ZNF771: variants seen among roughly 807,000 people sequenced by gnomAD.
The protein encoded by ZNF771 is zinc finger protein 771, also known as mesenchymal stem cell protein DSC43.
In ZNF771, 10 loss-of-function variants were observed where a neutral mutation model predicts 27.6. The ratio of observed to expected loss-of-function variants is 0.36; its 90% CI spans 0.22 to 0.61. The LOEUF (loss-of-function observed/expected upper bound fraction) is 0.61, where lower values mean the gene tolerates loss of function less well. ZNF771 is among the 20% of genes least tolerant of loss of function. The probability of loss-of-function intolerance (pLI) is 0.70; values close to 1 mark genes in which losing one functional copy is unlikely to be tolerated. For synonymous variants in ZNF771, 261 were observed against 225.2 expected (o/e 1.16, Z -1.43); for missense variants, 438 against 503.7 (o/e 0.87, Z 1.25).
intron 2 of ZNF771, among the ~76,000 whole-genome samples, chr16:30,412,399 G>C (rs2050108852): frequency 6.6e-6 from 1 of 152,208 alleles, no homozygotes; most frequent in African/African-American, 2.4e-5. Flanking sequence ...GTGTTTAATA[G>C]TTTGTGCCAA....
At chr16:30,410,750 T>G (rs1431125703) in intron 2 of ZNF771, among the ~76,000 whole-genome samples, 1 of 145,496 alleles carries the variant, frequency 6.9e-6, no homozygotes, top group Admixed American at 7.2e-5. Context: ...CCAGGCGTGG[T>G]GGCTCACACC....
Position 30,418,030 on chromosome 16 carries a change from C to A in ZNF771, c.617C>A (p.Ala206Asp). ...ACGGGCGAGCGGCCCTACGCTTGCG[C>A]CGACTGCGGCACGCGCTTCGCTCAG... ...THTGERPYAC[A>D]DCGTRFAQSS... The change falls in exon 3 of 3, where the codon GCC becomes GAC. Residue 206 changes from alanine (A) to aspartate (D), a missense_variant. Ala to Asp is a moderately radical substitution (Grantham distance 126, BLOSUM62 -2). Transcript: ENST00000319296. The A allele has an allele frequency of 6.9e-7, 1 of 1,449,604 alleles. No homozygotes were observed. Among genetic ancestry groups the A allele is most frequent in the Non-Finnish European group, 9.0e-7 (1 of 1,111,466 alleles). The allele number at this position is 1,449,604 out of a possible 1,614,324, so 89.8% of individuals were successfully genotyped here.
Position 30,408,260 on chromosome 16 carries a change from A to C in ZNF771, c.141+66A>C, listed in dbSNP as rs534757681. ...CTGGTCCAGGCCCAGCCTCCCTCAG[A>C]TAGAAGCCAGGGATCTTGCCCCTAC... On this transcript the variant is annotated intron_variant, in intron 2 of 2. Transcript: ENST00000319296. The C allele has an allele frequency of 1.9e-6, 3 of 1,607,980 alleles. No individual in the cohort carries two copies. In the African/African-American group the frequency reaches 4.0e-5, roughly 21 times the overall value.
At chr16:30,417,313 A>C (rs1283903316) in intron 2 of ZNF771, among the ~76,000 whole-genome samples, 1 of 152,264 alleles carries the variant, frequency 6.6e-6, no homozygotes, top group Non-Finnish European at 1.5e-5. Flanking sequence ...AGGACACTGC[A>C]TGCCCTCAGT....
intron 2 of ZNF771, among the ~76,000 whole-genome samples, chr16:30,412,070 T>C (rs2050107599): frequency 6.6e-6 from 1 of 152,190 alleles, no homozygotes; most frequent in East Asian, 1.9e-4. Flanking sequence ...TTCAAAGCTC[T>C]TTACCATCTG....
At chr16:30,417,111 G>A (rs1003361405) in intron 2 of ZNF771, among the ~76,000 whole-genome samples, 1 of 152,078 alleles carries the variant, frequency 6.6e-6, no homozygotes, top group Non-Finnish European at 1.5e-5. Context: ...CTCCTCAGAG[G>A]GCTATCCACG....
At chr16:30,407,785 T>C (rs979734986) in intron 1 of ZNF771, 121 bp downstream of exon 1, 8 of 253,644 alleles carry the variant, frequency 3.2e-5, no homozygotes, top group Non-Finnish European at 6.2e-5. Flanking sequence ...GGTGGCGACT[T>C]GCGGGGGCTG....
At position 30,417,697 on chromosome 16, in the gene ZNF771, A is replaced by G; in HGVS notation, c.284A>G (p.Glu95Gly). ...GGCGAACGGCCCTTCGGGTGCACCG[A>G]GTGCGGGCGGCGCTTCTCACAGAAG... ...HTGERPFGCT[E>G]CGRRFSQKSA... Residue 95 changes from glutamate (E) to glycine (G), a missense_variant, in exon 3 of 3, where the codon GAG becomes GGG. This residue lies in a region of ZNF771 where 49 missense variants were observed against 106.5 expected (regional missense o/e 0.46). Transcript: ENST00000319296. 1 of 1,393,994 alleles carries G rather than the reference A, an allele frequency of 7.2e-7. No homozygotes were observed. Among genetic ancestry groups the G allele is most frequent in the Non-Finnish European group, 9.3e-7 (1 of 1,077,058 alleles). The allele number at this position is 1,393,994 out of a possible 1,614,324, so 86.4% of individuals were successfully genotyped here. A position where few individuals can be genotyped will look rare whatever the true frequency, so the allele number is the denominator to read the frequency against.
intron 2 of ZNF771, among the ~76,000 whole-genome samples, chr16:30,408,648 T>C (rs1176452127): frequency 1.3e-5 from 2 of 152,194 alleles, no homozygotes; most frequent in Non-Finnish European, 2.9e-5. Flanking sequence ...GATTCTATGA[T>C]GTCGGTAGCA....
intron 2 of ZNF771, among the ~76,000 whole-genome samples, chr16:30,409,364 G>C (rs899962769): frequency 2.0e-5 from 3 of 152,180 alleles, no homozygotes; most frequent in African/African-American, 7.2e-5. Context: ...GTGTGGATGA[G>C]TGGGGGTGGT....
chr16:30,410,392 C>T (rs1215728409), intron 2 of ZNF771, among the ~76,000 whole-genome samples: 3 of 152,114 alleles, frequency 2.0e-5, no homozygotes, highest in Non-Finnish European at 4.4e-5. Context: ...TGAGCCACCA[C>T]GCCTGGCTCA....
rs1404587329 is a variant in ZNF771, at chr16:30,417,705, C to A, written c.292C>A (p.Arg98=). The A allele has an allele frequency of 3.6e-6, 5 of 1,389,412 alleles. No individual in the cohort carries two copies. The highest frequency in any genetic ancestry group is 1.5e-5 in the South Asian group (1 of 65,540). 86.1% of individuals were successfully genotyped at this position (1,389,412 alleles called of 1,614,324 possible). A position where few individuals can be genotyped will look rare whatever the true frequency, so the allele number is the denominator to read the frequency against. The change falls in exon 3 of 3, where the codon CGG becomes AGG. Residue 98 remains arginine, a synonymous_variant. Coordinates refer to ENST00000319296, the MANE Select transcript of ZNF771 (RefSeq NM_001142305.2). ...ERPFGCTECG[R]RFSQKSALTK... is the part of the protein sequence containing the mutation. Reference sequence around the variant, plus strand: ...GCCCTTCGGGTGCACCGAGTGCGGGCGGCGCTTCTCACAGAAGTCGGCGCT... The same window carrying A: ...GCCCTTCGGGTGCACCGAGTGCGGGAGGCGCTTCTCACAGAAGTCGGCGCT...
intron 2 of ZNF771, among the ~76,000 whole-genome samples, chr16:30,410,105 C>CTT (rs912511119): frequency 1.1e-4 from 16 of 143,212 alleles, no homozygotes; most frequent in Non-Finnish European, 1.8e-4. Flanking sequence ...GATTTTTCAA[C>CTT]TTTTTTTTTT....
chr16:30,408,091 A>G lies in ZNF771; in HGVS notation c.38A>G (p.Glu13Gly). ...CAGCAGGCAGAGGAAGAGGAGGAGG[A>G]AGAGATGCAGGAGGAGATGGTGCTG... Reference protein sequence around the residue: ...GEQQAEEEEEEEMQEEMVLLV... With the variant: ...GEQQAEEEEEGEMQEEMVLLV... The change falls in exon 2 of 3, where the codon GAA (glutamate) becomes GGA (glycine). Residue 13 changes from glutamate to glycine, a missense_variant. Around this residue, in one of 3 missense-constraint regions of ZNF771, gnomAD observed 84 missense variants for 89.2 expected, o/e 0.94. Coordinates refer to ENST00000319296, the MANE Select transcript of ZNF771 (RefSeq NM_001142305.2). 1 of 1,607,490 alleles carries G rather than the reference A, an allele frequency of 6.2e-7. No individual in the cohort carries two copies. The highest frequency in any genetic ancestry group is 8.5e-7 in the Non-Finnish European group (1 of 1,176,388).
At chr16:30,410,849 A>G (rs1485584998) in intron 2 of ZNF771, among the ~76,000 whole-genome samples, 1 of 123,048 alleles carries the variant, frequency 8.1e-6, no homozygotes, top group Non-Finnish European at 1.6e-5. Flanking sequence ...GGGAGACCTC[A>G]TCTCTACAAA....
Position 30,418,421 on chromosome 16 carries a change from C to A in ZNF771, c.*54C>A. 2 of 1,343,870 alleles carry A rather than the reference C, an allele frequency of 1.5e-6. No homozygotes were observed. Among genetic ancestry groups the A allele is most frequent in the South Asian group, 1.8e-5 (1 of 56,168 alleles). 83.2% of individuals were successfully genotyped at this position (1,343,870 alleles called of 1,614,324 possible). A position where few individuals can be genotyped will look rare whatever the true frequency, so the allele number is the denominator to read the frequency against. On this transcript the variant is annotated 3_prime_UTR_variant, in exon 3 of 3. Coordinates refer to ENST00000319296, the MANE Select transcript of ZNF771 (RefSeq NM_001142305.2). ...GGGGCTTCGACCTGGCTGCACTAAC[C>A]CAGGCTCCTCCTCGCCCCGGCCTCC...
At chr16:30,415,830 C>A (rs2050131116) in intron 2 of ZNF771, among the ~76,000 whole-genome samples, 1 of 152,164 alleles carries the variant, frequency 6.6e-6, no homozygotes, top group African/African-American at 2.4e-5. Context: ...AATTGCTTGG[C>A]CACAGTAGAT....
chr16:30,413,262 G>A (rs1029291740), intron 2 of ZNF771, among the ~76,000 whole-genome samples: 8 of 152,192 alleles, frequency 5.3e-5, no homozygotes, highest in African/African-American at 1.7e-4. Flanking sequence ...AAATCTAATA[G>A]TTGTAGAATT....
intron 2 of ZNF771, among the ~76,000 whole-genome samples, chr16:30,413,260 T>C (rs897095856): frequency 6.6e-6 from 1 of 152,226 alleles, no homozygotes; most frequent in African/African-American, 2.4e-5. Context: ...TTAAATCTAA[T>C]AGTTGTAGAA....
Sources: allele counts gnomAD v4.1 joint callset (sites outside exome capture counted in the v4.1 genomes callset), GRCh38; gene constraint gnomAD v4.1.1; regional missense constraint gnomAD v4.1.1; transcripts MANE v1.5; gene names NCBI Gene and HGNC (gene_info 2026-07-23, HGNC 2026-07-21).